Variants in VWA3B observed in about 807,000 individuals in gnomAD.
VWA3B encodes von Willebrand factor A domain-containing protein 3B.
A neutral mutation model predicts 158.3 loss-of-function variants in VWA3B; 138 were observed. The observed-to-expected ratio is 0.87, with a 90% CI of 0.76 to 1.00. The LOEUF is 1.00. Ranked by LOEUF, VWA3B falls within the 50% of genes least tolerant of loss-of-function variation. VWA3B has a pLI of 0.00. For missense variants in VWA3B, 1,555 were observed against 1,565.1 expected (o/e 0.99, Z 0.11); for synonymous variants, 596 against 587.3 (o/e 1.01, Z -0.21).
intron 14 of VWA3B, among the ~76,000 whole-genome samples, chr2:98,220,014 G>T (rs550842094): frequency 9.8e-4 from 149 of 151,780 alleles, no homozygotes; most frequent in African/African-American, 3.3e-3. Context: ...AATATAAAAA[G>T]TAGCTGGGCA....
intron 6 of VWA3B, among the ~76,000 whole-genome samples, chr2:98,131,891 A>G (rs1675901396): frequency 1.3e-5 from 2 of 152,196 alleles, no homozygotes. Flanking sequence ...AGAAATTTTC[A>G]TTGTTAACAA....
intron 8 of VWA3B, among the ~76,000 whole-genome samples, chr2:98,171,419 G>A (rs955880496): frequency 1.3e-5 from 2 of 152,160 alleles, no homozygotes; most frequent in Admixed American, 6.5e-5. Flanking sequence ...GAAAAGATGG[G>A]AGAGAGCCGG....
chr2:98,257,906 T>C (rs71429387), intron 21 of VWA3B, among the ~76,000 whole-genome samples: 2 of 151,968 alleles, frequency 1.3e-5, no homozygotes, highest in African/African-American at 4.8e-5. Context: ...GTGTTTTTGG[T>C]GTCAAATCTA....
At chr2:98,092,852 A>ATATG in intron 1 of VWA3B, among the ~76,000 whole-genome samples, 1 of 133,912 alleles carries the variant, frequency 7.5e-6, no homozygotes, top group South Asian at 2.3e-4. Context: ...ATATATATAT[A>ATATG]TATATATAGT....
Position 98,181,034 on chromosome 2 carries a change from T to C in VWA3B, c.1133T>C (p.Val378Ala), listed in dbSNP as rs1400198699. The change falls in exon 9 of 28, where the codon GTT becomes GCT. Residue 378 changes from valine to alanine, a missense_variant. Val to Ala is a moderately conservative substitution (Grantham distance 64). Transcript: ENST00000477737. The stretch of plus-strand genomic sequence containing the variant: ...TCTACAGAGTCAGAAACAACCTCTG[T>C]TGAGATTGCATCGAATCCAGAAGAC... Reference protein sequence around the residue: ...TVDCESETTSVEIASNPEDTW... With the variant: ...TVDCESETTSAEIASNPEDTW... 6.2e-7 allele frequency: 1 copy of C among 1,614,080 alleles called. No individual in the cohort carries two copies. The highest frequency in any genetic ancestry group is 1.3e-5 in the African/African-American group (1 of 74,938).
chr2:98,214,048 C>A (rs540929313), intron 13 of VWA3B, among the ~76,000 whole-genome samples: 1 of 151,986 alleles, frequency 6.6e-6, no homozygotes, highest in South Asian at 2.1e-4. Context: ...AAAATTAGCT[C>A]AGTGTGGTGG....
chr2:98,243,250 C>A (rs1460528672), intron 19 of VWA3B, among the ~76,000 whole-genome samples: 2 of 152,006 alleles, frequency 1.3e-5, no homozygotes, highest in Non-Finnish European at 2.9e-5. Context: ...AAATGCTCAG[C>A]CTTTTAATTG....
intron 2 of VWA3B, among the ~76,000 whole-genome samples, chr2:98,110,489 C>G (rs1404578618): frequency 2.0e-5 from 3 of 152,128 alleles, no homozygotes; most frequent in African/African-American, 7.2e-5. Flanking sequence ...TATGACATCT[C>G]TCATCTTGGT....
rs377735812 is a variant in VWA3B, at chr2:98,162,924, C to G, written c.1062C>G (p.Ile354Met). 1.3e-5 allele frequency: 21 copies of G among 1,613,982 alleles called. No individual in the cohort carries two copies. In the South Asian group the frequency reaches 2.3e-4, roughly 18 times the overall value. ...MEEACSTLAQIQRLVAEPPKP... is the reference protein window; with the variant it reads ...MEEACSTLAQMQRLVAEPPKP... ...AAGCCTGCAGCACGCTGGCCCAGAT[C>G]CAGAGGCTGGTGGCCGAGCCTCCCA... The change falls in exon 8 of 28, where the codon ATC becomes ATG. Residue 354 changes from isoleucine (I) to methionine (M), a missense_variant. Ile to Met is a conservative substitution (Grantham distance 10). Transcript: ENST00000477737.
At chr2:98,127,246 A>G (rs1214745381) in intron 5 of VWA3B, among the ~76,000 whole-genome samples, 1 of 152,048 alleles carries the variant, frequency 6.6e-6, no homozygotes, top group Non-Finnish European at 1.5e-5. Flanking sequence ...ACTTTCTGAG[A>G]TGTATAGAAA....
intron 22 of VWA3B, among the ~76,000 whole-genome samples, chr2:98,278,626 T>C (rs1010565012): frequency 1.3e-5 from 2 of 152,100 alleles, no homozygotes; most frequent in African/African-American, 4.8e-5. Context: ...TTCTCTGAGG[T>C]CCCGCCATCA....
At chr2:98,301,899 T>A (rs757718859) in intron 25 of VWA3B, among the ~76,000 whole-genome samples, 123 of 152,322 alleles carry the variant, frequency 8.1e-4, no homozygotes, top group Admixed American at 1.4e-3. Flanking sequence ...GCCCTTTCTA[T>A]GTTTATTTAA....
intron 22 of VWA3B, among the ~76,000 whole-genome samples, chr2:98,281,814 A>C (rs1688893752): frequency 6.6e-6 from 1 of 152,142 alleles, no homozygotes; most frequent in South Asian, 2.1e-4. Context: ...CTTAGCACAC[A>C]GCATCCCTCC....
chr2:98,307,240 GT>G (rs1439466705), intron 26 of VWA3B, among the ~76,000 whole-genome samples: 1 of 152,214 alleles, frequency 6.6e-6, no homozygotes, highest in Non-Finnish European at 1.5e-5. Flanking sequence ...CTTGCCAGCA[GT>G]TTTGCCATGA....
chr2:98,292,813 A>T (rs186357693), intron 23 of VWA3B, among the ~76,000 whole-genome samples: 1 of 152,040 alleles, frequency 6.6e-6, no homozygotes, highest in African/African-American at 2.4e-5. Context: ...AAAAATACAG[A>T]ATTAGCCGGA....
chr2:98,099,444 C>G (rs566730934), intron 2 of VWA3B: 1 of 152,272 alleles, frequency 6.6e-6, no homozygotes, highest in Non-Finnish European at 1.5e-5. Flanking sequence ...TGCTGAGAAG[C>G]TGGACATATT....
intron 25 of VWA3B, among the ~76,000 whole-genome samples, chr2:98,302,470 G>A (rs898969993): frequency 6.6e-6 from 1 of 152,168 alleles, no homozygotes; most frequent in Non-Finnish European, 1.5e-5. Flanking sequence ...TTTGATGGAC[G>A]ACTTAACATG....
intron 22 of VWA3B, among the ~76,000 whole-genome samples, chr2:98,282,786 T>C (rs1053639723): frequency 5.3e-5 from 8 of 152,280 alleles, no homozygotes; most frequent in East Asian, 1.9e-4. Context: ...CCTTGTCCTT[T>C]CCAGTGAACT....
rs757267490 is a variant in VWA3B at position 98,300,128 on chromosome 2, T to C, written c.3332T>C (p.Phe1111Ser). The change falls in exon 25 of 28, where the codon TTC becomes TCC. Residue 1111 changes from phenylalanine (F) to serine (S), a missense_variant. Physicochemically the swap from Phe to Ser is radical, Grantham distance 155. Coordinates refer to ENST00000477737, the MANE Select transcript of VWA3B (RefSeq NM_144992.5). The part of the protein sequence containing the change: ...AKIVIPKGFD[F>S]YVPAIVIALP... ...ATTGTGATACCCAAAGGATTTGACT[T>C]CTATGTCCCTGCCATTGTCATAGCA... 2 of 1,614,248 alleles carry C rather than the reference T, an allele frequency of 1.2e-6. No homozygotes were observed. The highest frequency in any genetic ancestry group is 2.2e-5 in the South Asian group (2 of 91,082).
Sources: gnomAD v4.1 joint callset for allele counts (sites outside exome capture counted in the v4.1 genomes callset) on GRCh38, gnomAD v4.1.1 for gene constraint, MANE v1.5 for transcripts, NCBI Gene and HGNC (gene_info 2026-07-23, HGNC 2026-07-21) for gene names.